The following KLHL6 variants were observed in gnomAD, a reference collection of about 807,000 sequenced individuals.
KLHL6 encodes kelch-like protein 6.
In KLHL6, 41 loss-of-function variants were observed where a neutral mutation model predicts 58.6. The observed-to-expected ratio is 0.70, with a 90% CI of 0.55 to 0.91. KLHL6 has a LOEUF of 0.91. Among genes scored for constraint, KLHL6 ranks in the 40% least tolerant of loss-of-function variants. KLHL6 has a pLI of 0.00. For synonymous variants in KLHL6, 338 were observed against 322.7 expected (o/e 1.05, Z -0.51); for missense variants, 714 against 805.6 (o/e 0.89, Z 1.38).
chr3:183,531,459 T>TTTG (rs1486687450), intron 1 of KLHL6, among the ~76,000 whole-genome samples: 2 of 139,518 alleles, frequency 1.4e-5, no homozygotes, highest in African/African-American at 5.4e-5. Context: ...TTTTTTTTTT[T>TTTG]TTTTTTTTGA....
Position 183,492,625 on chromosome 3 carries a change from T to C in KLHL6, c.1433A>G (p.Asn478Ser), listed in dbSNP as rs758620781. Reference sequence around the variant, plus strand: ...AGTCTTGTCTGTGGCCAGTTTCCCATTGGGCCCTCCCCCGATCACATACAG... The same window carrying C: ...AGTCTTGTCTGTGGCCAGTTTCCCACTGGGCCCTCCCCCGATCACATACAG... ...KKLYVIGGGP[N>S]GKLATDKTQC... Residue 478 changes from asparagine (N) to serine (S), a missense_variant, in exon 6 of 7, where the codon AAT becomes AGT. Coordinates refer to ENST00000341319, the MANE Select transcript of KLHL6 (RefSeq NM_130446.4). The surrounding 1 kb of genome is among the most constrained non-coding windows in gnomAD (Gnocchi z 5.9). 9 of 1,614,148 alleles carry C rather than the reference T, an allele frequency of 5.6e-6. No individual in the cohort carries two copies. Among genetic ancestry groups the C allele is most frequent in the East Asian group, 4.5e-5 (2 of 44,870 alleles).
chr3:183,541,103 A>AC (rs1712538189), intron 1 of KLHL6, among the ~76,000 whole-genome samples: 1 of 152,210 alleles, frequency 6.6e-6, no homozygotes, highest in African/African-American at 2.4e-5. Context: ...CCTGGTTCTA[A>AC]CCACTTAGAA....
At chr3:183,546,124 T>C (rs1444206726) in intron 1 of KLHL6, among the ~76,000 whole-genome samples, 1 of 152,110 alleles carries the variant, frequency 6.6e-6, no homozygotes, top group Non-Finnish European at 1.5e-5. Context: ...ATGCCACACA[T>C]CCCTACAAGT....
intron 1 of KLHL6, among the ~76,000 whole-genome samples, chr3:183,534,894 A>ATATG (rs1005766726): frequency 6.0e-5 from 9 of 149,832 alleles, no homozygotes; most frequent in Non-Finnish European, 1.3e-4. Context: ...ATATATGTAT[A>ATATG]TATGTATGTA....
At chr3:183,546,549 C>G (rs1015690237) in intron 1 of KLHL6, among the ~76,000 whole-genome samples, 1 of 152,180 alleles carries the variant, frequency 6.6e-6, no homozygotes, top group African/African-American at 2.4e-5. Flanking sequence ...TGGCCCCTGT[C>G]TAGCCTCCCT....
chr3:183,527,810 T>C (rs1420680914), intron 2 of KLHL6, 35 bp downstream of exon 2: 14 of 1,609,502 alleles, frequency 8.7e-6, no homozygotes, highest in Non-Finnish European at 1.2e-5. Context: ...TTCACCTGCT[T>C]CAGAGAAGAG....
Position 183,523,433 on chromosome 3 carries a change from T to A in KLHL6, c.459+4412A>T, listed in dbSNP as rs573942855. On this transcript the variant is annotated intron_variant, in intron 2 of 6. Coordinates refer to ENST00000341319, the MANE Select transcript of KLHL6 (RefSeq NM_130446.4). ...CAGAGGGTTCTGTGGGAGCCCCTCC[T>A]GGGCTCTTCTCAGGCCCAGGCCAGA... Among the ~76,000 whole-genome samples, 5 of 152,370 alleles carry A rather than the reference T, an allele frequency of 3.3e-5. No individual in the cohort carries two copies. In the South Asian group the frequency reaches 8.3e-4, roughly 25 times the overall value.
At position 183,508,277 on chromosome 3, in the gene KLHL6, C is replaced by T. The variant is rs932549092; in HGVS notation, c.691G>A (p.Glu231Lys). ...ILKSDDLYVT[E>K]EAQVFETVMS... Reference sequence around the variant, plus strand: ...ACGGTCTCAAACACCTGAGCCTCCTCGGTCACGTAAAGGTCATCACTCTTC... The same window carrying T: ...ACGGTCTCAAACACCTGAGCCTCCTTGGTCACGTAAAGGTCATCACTCTTC... Residue 231 changes from glutamate (E) to lysine (K), a missense_variant, in exon 3 of 7, where the codon GAG becomes AAG. Physicochemically the swap from Glu to Lys is moderately conservative, Grantham distance 56. Coordinates refer to ENST00000341319, the MANE Select transcript of KLHL6 (RefSeq NM_130446.4). 6.2e-6 allele frequency: 10 copies of T among 1,614,104 alleles called. No individual in the cohort carries two copies. The highest frequency in any genetic ancestry group is 2.2e-5 in the East Asian group (1 of 44,898).
chr3:183,529,669 C>CA (rs1304554277), intron 1 of KLHL6, among the ~76,000 whole-genome samples: 1 of 151,776 alleles, frequency 6.6e-6, no homozygotes, highest in African/African-American at 2.4e-5. Context: ...ATCTCTACAA[C>CA]AATACAAAAA....
intron 1 of KLHL6, among the ~76,000 whole-genome samples, chr3:183,554,034 C>T (rs1713023490): frequency 6.6e-6 from 1 of 151,624 alleles, no homozygotes; most frequent in Admixed American, 6.6e-5. Flanking sequence ...ATAGGTTAAT[C>T]GTTTTCAATT....
chr3:183,496,266 A>T (rs2686429), intron 4 of KLHL6, among the ~76,000 whole-genome samples: 30,085 of 152,112 alleles, frequency 0.2, 3,279 homozygotes, highest in Middle Eastern at 0.28. Context: ...GATAATTTTT[A>T]AAAATAAATA....
intron 1 of KLHL6, among the ~76,000 whole-genome samples, chr3:183,545,836 G>C (rs1386071916): frequency 6.6e-6 from 1 of 152,166 alleles, no homozygotes; most frequent in Non-Finnish European, 1.5e-5. Context: ...TTTTTCCTGT[G>C]ATAGCCACAT....
In KLHL6 at chr3:183,491,759, A is replaced by AG; in HGVS notation, c.*167dup. 1 of 517,284 alleles carries AG rather than the reference A, an allele frequency of 1.9e-6. No homozygotes were observed. The highest frequency in any genetic ancestry group is 3.2e-6 in the Non-Finnish European group (1 of 313,718). The allele number at this position is 517,284 out of a possible 1,614,324, so 32.0% of individuals were successfully genotyped here. A position where few individuals can be genotyped will look rare whatever the true frequency, so the allele number is the denominator to read the frequency against. On this transcript the variant is annotated 3_prime_UTR_variant, in exon 7 of 7. Coordinates refer to ENST00000341319, the MANE Select transcript of KLHL6 (RefSeq NM_130446.4). Reference sequence around the variant, plus strand: ...ATGCAAACATTCCTGGCCGGTCTCAAGTGACCCCAAACTGTGACTTCCAAG... The same window carrying AG: ...ATGCAAACATTCCTGGCCGGTCTCAAGGTGACCCCAAACTGTGACTTCCAAG...
chr3:183,529,706 A>G (rs551908204), intron 1 of KLHL6, among the ~76,000 whole-genome samples: 1 of 151,848 alleles, frequency 6.6e-6, no homozygotes, highest in East Asian at 1.9e-4. Flanking sequence ...AATCTCTTGA[A>G]CCCAGGAGGC....
intron 1 of KLHL6, among the ~76,000 whole-genome samples, chr3:183,553,112 G>A (rs989759451): frequency 2.0e-5 from 3 of 152,156 alleles, no homozygotes; most frequent in African/African-American, 7.2e-5. Flanking sequence ...GGAAAGTCAC[G>A]TTGAAAATCC....
chr3:183,538,398 C>G (rs1444096196), intron 1 of KLHL6, among the ~76,000 whole-genome samples: 2 of 152,156 alleles, frequency 1.3e-5, no homozygotes, highest in Non-Finnish European at 2.9e-5. Flanking sequence ...ACCTGTCTGC[C>G]CCCTGTTCTG....
At chr3:183,553,154 GAGA>G (rs1470106560) in intron 1 of KLHL6, among the ~76,000 whole-genome samples, 2 of 152,206 alleles carry the variant, frequency 1.3e-5, no homozygotes, top group Admixed American at 6.5e-5. Flanking sequence ...CTTCTCTGAA[GAGA>G]AGAATTGAAG....
intron 3 of KLHL6, among the ~76,000 whole-genome samples, chr3:183,507,353 T>C (rs1170972850): frequency 6.6e-6 from 1 of 151,984 alleles, no homozygotes; most frequent in Non-Finnish European, 1.5e-5. Flanking sequence ...TTCACCAGAG[T>C]GGGCAAGGAA....
At chr3:183,508,034 A>G (rs1170255254) in intron 3 of KLHL6, 25 bp downstream of exon 3, 2 of 1,598,944 alleles carry the variant, frequency 1.3e-6, no homozygotes, top group Non-Finnish European at 1.7e-6. Flanking sequence ...CTGGTTAAAT[A>G]TAGCACCTCT....
Sources: allele counts gnomAD v4.1 joint callset (sites outside exome capture counted in the v4.1 genomes callset), GRCh38; gene constraint gnomAD v4.1.1; non-coding constraint Gnocchi (gnomAD v3.1); transcripts MANE v1.5; gene names NCBI Gene and HGNC (gene_info 2026-07-23, HGNC 2026-07-21).